CFAP54: variants seen among roughly 807,000 people sequenced by gnomAD.
The protein encoded by CFAP54 is cilia and flagella associated protein 54.
Under a neutral mutation model 370.4 loss-of-function variants are expected in CFAP54, and 290 were observed. The ratio of observed to expected loss-of-function variants is 0.78; its 90% CI spans 0.71 to 0.86. The LOEUF is 0.86. CFAP54 is among the 40% of genes least tolerant of loss of function. CFAP54 has a pLI of 0.00. For missense variants in CFAP54, 3,399 were observed against 3,528.7 expected, an observed-to-expected ratio of 0.96 and a Z score of 0.93; for synonymous variants, 1,206 against 1,236.5, an observed-to-expected ratio of 0.98 and a Z score of 0.52.
In CFAP54 at chr12:96,693,795, C is replaced by T. The variant is rs750598970; in HGVS notation, c.6338C>T (p.Ala2113Val). 1.3e-6 allele frequency: 2 copies of T among 1,569,252 alleles called. No homozygotes were observed. The highest frequency in any genetic ancestry group is 1.8e-6 in the Non-Finnish European group (2 of 1,141,954). Residue 2113 changes from alanine (A) to valine (V), a missense_variant, in exon 45 of 68, where the codon GCA (alanine) becomes GTA (valine). Ala to Val is a moderately conservative substitution (Grantham distance 64, BLOSUM62 0). Coordinates refer to ENST00000524981, the MANE Select transcript of CFAP54 (RefSeq NM_001306084.2). ...ICQDITRNLEARILKIEVLID... is the reference protein window; with the variant it reads ...ICQDITRNLEVRILKIEVLID... ...CAAGACATAACAAGAAATCTAGAAG[C>T]AAGAATCCTCAAGGTATGTTACAAG...
chr12:96,516,815 A>G (rs1367945791), intron 5 of CFAP54, among the ~76,000 whole-genome samples: 1 of 152,166 alleles, frequency 6.6e-6, no homozygotes, highest in Non-Finnish European at 1.5e-5. Context: ...CCATTACACA[A>G]ACTTTAAGTC....
chr12:96,698,731 A>C (rs897827648), intron 45 of CFAP54, among the ~76,000 whole-genome samples: 1 of 152,164 alleles, frequency 6.6e-6, no homozygotes, highest in East Asian at 1.9e-4. Flanking sequence ...TGGGTACTAT[A>C]CTTGTCACCA....
chr12:96,543,613 G>C (rs1955602742), intron 14 of CFAP54, among the ~76,000 whole-genome samples: 1 of 150,580 alleles, frequency 6.6e-6, no homozygotes, highest in Non-Finnish European at 1.5e-5. Flanking sequence ...TTATTGCTAA[G>C]CATTTTGTAG....
chr12:96,845,569 C>G (rs1959318212), intron 66 of CFAP54, among the ~76,000 whole-genome samples: 1 of 152,226 alleles, frequency 6.6e-6, no homozygotes. Context: ...TTCAGGACCA[C>G]TCTGAAGGGC....
chr12:96,826,585 AT>A (rs1959108323), intron 65 of CFAP54, among the ~76,000 whole-genome samples: 1 of 108,852 alleles, frequency 9.2e-6, no homozygotes, highest in Non-Finnish European at 1.7e-5. Flanking sequence ...GATTATATGT[AT>A]TATATAAATA....
At chr12:96,602,082 T>G (rs893574614) in intron 26 of CFAP54, among the ~76,000 whole-genome samples, 2 of 152,228 alleles carry the variant, frequency 1.3e-5, no homozygotes, top group Non-Finnish European at 1.5e-5. Context: ...CTGCTTTCTC[T>G]TGTGGGCATT....
At chr12:96,827,026 G>A (rs1448440455) in intron 65 of CFAP54, among the ~76,000 whole-genome samples, 1,842 of 124,948 alleles carry the variant, frequency 0.015, 21 homozygotes, top group African/African-American at 0.045. Context: ...GCAATTATAT[G>A]TGATTATATA....
At chr12:96,777,797 T>C (rs923440366) in intron 60 of CFAP54, among the ~76,000 whole-genome samples, 2 of 152,214 alleles carry the variant, frequency 1.3e-5, no homozygotes, top group Admixed American at 6.5e-5. Flanking sequence ...CCATTAAACT[T>C]ACCATTGCTT....
chr12:96,766,968 G>A (rs1409919209), intron 60 of CFAP54, among the ~76,000 whole-genome samples: 1 of 152,212 alleles, frequency 6.6e-6, no homozygotes, highest in Non-Finnish European at 1.5e-5. Context: ...TGTTGTGAGT[G>A]AGGCCCAAGC....
intron 17 of CFAP54, 33 bp from the exon 18 acceptor site, chr12:96,564,435 C>T (rs955008758): frequency 1.0e-5 from 7 of 681,770 alleles, no homozygotes; most frequent in African/African-American, 8.9e-5. Context: ...TGGATACATA[C>T]TTAATTGTTA....
chr12:96,699,900 C>A, intron 45 of CFAP54, 71 bp from the exon 46 acceptor site: 2 of 1,290,582 alleles, frequency 1.5e-6, no homozygotes, highest in Non-Finnish European at 2.2e-6. Flanking sequence ...TGACGATTTT[C>A]TCTATACTTT....
chr12:96,776,442 T>G (rs1351597739), intron 60 of CFAP54, among the ~76,000 whole-genome samples: 1 of 152,186 alleles, frequency 6.6e-6, no homozygotes, highest in African/African-American at 2.4e-5. Flanking sequence ...CAAGTTAACA[T>G]AAATAGCATA....
chr12:96,668,354 T>A (rs1957104376), intron 39 of CFAP54, among the ~76,000 whole-genome samples: 1 of 152,140 alleles, frequency 6.6e-6, no homozygotes, highest in African/African-American at 2.4e-5. Flanking sequence ...TACCCAAGAC[T>A]GGATAATTTA....
intron 17 of CFAP54, among the ~76,000 whole-genome samples, chr12:96,555,653 CA>C (rs1316426696): frequency 1.3e-5 from 2 of 150,304 alleles, no homozygotes; most frequent in East Asian, 3.9e-4. Flanking sequence ...ATTTTTATAT[CA>C]AAAAAATCTG....
intron 45 of CFAP54, 136 bp from the exon 46 acceptor site, chr12:96,699,835 C>T: frequency 1.5e-6 from 1 of 669,224 alleles, no homozygotes; most frequent in East Asian, 2.8e-5. Flanking sequence ...GTCTAGTAAA[C>T]ATTAATTCAT....
intron 60 of CFAP54, among the ~76,000 whole-genome samples, chr12:96,779,027 G>T (rs1404058679): frequency 6.7e-6 from 1 of 149,046 alleles, no homozygotes; most frequent in Non-Finnish European, 1.5e-5. Context: ...GAATCTCTTG[G>T]ACCCAGAAGG....
At chr12:96,544,438 C>G (rs1345489148) in intron 14 of CFAP54, among the ~76,000 whole-genome samples, 1 of 151,286 alleles carries the variant, frequency 6.6e-6, no homozygotes. Context: ...CTCTCTCTCT[C>G]TCTCTGACTT....
intron 19 of CFAP54, among the ~76,000 whole-genome samples, chr12:96,572,079 A>G (rs919026113): frequency 2.6e-5 from 4 of 152,226 alleles, no homozygotes; most frequent in Non-Finnish European, 2.9e-5. Context: ...TGCCATCTTA[A>G]AAGACACTGT....
chr12:96,529,886 G>A (rs941810107), intron 9 of CFAP54, among the ~76,000 whole-genome samples: 27 of 152,066 alleles, frequency 1.8e-4, no homozygotes, highest in African/African-American at 6.5e-4. Context: ...GTGTGTTGTG[G>A]TTAAGAAGTT....
Sources: gnomAD v4.1 joint callset for allele counts (sites outside exome capture counted in the v4.1 genomes callset) on GRCh38, gnomAD v4.1.1 for gene constraint, MANE v1.5 for transcripts, NCBI Gene and HGNC (gene_info 2026-07-23, HGNC 2026-07-21) for gene names.